Variants in PRKCQ observed in about 807,000 individuals in gnomAD.
PRKCQ encodes the protein protein kinase C theta type.
Under a neutral mutation model 91.2 loss-of-function variants are expected in PRKCQ, and 41 were observed. The ratio of observed to expected loss-of-function variants is 0.45; its 90% CI spans 0.35 to 0.58. The LOEUF is 0.58. PRKCQ is among the 20% of genes least tolerant of loss of function. The pLI, the probability that PRKCQ is intolerant of heterozygous loss-of-function variation, is 0.00. For missense variants in PRKCQ, 673 were observed against 896.5 expected (o/e 0.75, Z 3.18); for synonymous variants, 307 against 316.9 (o/e 0.97, Z 0.33).
intron 1 of PRKCQ, among the ~76,000 whole-genome samples, chr10:6,515,804 C>G (rs1396526163): frequency 6.6e-6 from 1 of 152,112 alleles, no homozygotes; most frequent in Non-Finnish European, 1.5e-5. Flanking sequence ...CAAAATACTT[C>G]ATAAAAGCCC....
At chr10:6,523,480 T>C (rs1004184890) in intron 1 of PRKCQ, among the ~76,000 whole-genome samples, 3 of 151,948 alleles carry the variant, frequency 2.0e-5, no homozygotes, top group Non-Finnish European at 2.9e-5. Context: ...AAAGTATAAA[T>C]TGAAGATAAT....
chr10:6,559,706 C>T (rs903490644), intron 1 of PRKCQ, among the ~76,000 whole-genome samples: 2 of 152,094 alleles, frequency 1.3e-5, no homozygotes, highest in African/African-American at 4.8e-5. Flanking sequence ...AGTACAATAT[C>T]AGATATTTTT....
chr10:6,557,190 C>A (rs1588421643), intron 1 of PRKCQ, among the ~76,000 whole-genome samples: 1 of 152,162 alleles, frequency 6.6e-6, no homozygotes, highest in African/African-American at 2.4e-5. Context: ...TTTGCTTCCT[C>A]CCCTTCCATT....
intron 12 of PRKCQ, among the ~76,000 whole-genome samples, chr10:6,472,585 G>C (rs1479326524): frequency 6.6e-6 from 1 of 152,224 alleles, no homozygotes; most frequent in Non-Finnish European, 1.5e-5. Flanking sequence ...ACTGTGATCT[G>C]AGTCACATAT....
At chr10:6,421,736 A>G in the PRKCQ span, among the ~76,000 whole-genome samples, 1 of 152,254 alleles carries the variant, frequency 6.6e-6, no homozygotes, top group Non-Finnish European at 1.5e-5. The surrounding 1 kb of genome is among the most constrained non-coding windows in gnomAD (Gnocchi z 4.1). Context: ...TGACAAATGA[A>G]GGTTGAATGA....
At chr10:6,533,472 C>T (rs987687314) in intron 1 of PRKCQ, among the ~76,000 whole-genome samples, 5 of 152,272 alleles carry the variant, frequency 3.3e-5, no homozygotes, top group East Asian at 1.9e-4. Context: ...GCTAGGATTA[C>T]AGGCACGAGC....
At chr10:6,485,384 A>G in intron 9 of PRKCQ, 115 bp from the exon 10 acceptor site, 1 of 769,178 alleles carries the variant, frequency 1.3e-6, no homozygotes, top group Non-Finnish European at 2.3e-6. Context: ...TAGGGTCAAC[A>G]AAGATCTCCT....
At chr10:6,519,081 T>G (rs976382075) in intron 1 of PRKCQ, among the ~76,000 whole-genome samples, 1 of 152,234 alleles carries the variant, frequency 6.6e-6, no homozygotes, top group Non-Finnish European at 1.5e-5. Context: ...CCATCTATAT[T>G]AAGAGCCAAG....
At chr10:6,568,688 C>T (rs1426668212) in intron 1 of PRKCQ, among the ~76,000 whole-genome samples, 2 of 151,972 alleles carry the variant, frequency 1.3e-5, no homozygotes, top group Non-Finnish European at 2.9e-5. Flanking sequence ...TTAGTAGAGA[C>T]GGGGTTTCAC....
intron 1 of PRKCQ, among the ~76,000 whole-genome samples, chr10:6,578,667 T>G (rs949551701): frequency 5.3e-5 from 8 of 152,246 alleles, no homozygotes; most frequent in Non-Finnish European, 1.2e-4. Context: ...AAGAGCCTTC[T>G]GCGGTAAGCA....
intron 8 of PRKCQ, chr10:6,489,462 A>C: frequency 1.9e-6 from 1 of 531,726 alleles, no homozygotes; most frequent in Non-Finnish European, 3.9e-6. Flanking sequence ...TTTCTTGGGA[A>C]TTATTGTGGG....
intron 2 of PRKCQ, among the ~76,000 whole-genome samples, chr10:6,512,868 T>C (rs2130863377): frequency 6.6e-6 from 1 of 152,192 alleles, no homozygotes; most frequent in Admixed American, 6.5e-5. Flanking sequence ...ACATTTTTTG[T>C]GGGTTGGTAA....
the PRKCQ span, among the ~76,000 whole-genome samples, chr10:6,399,576 G>A: frequency 6.6e-6 from 1 of 152,084 alleles, no homozygotes; most frequent in East Asian, 1.9e-4. Context: ...CACAAGATGA[G>A]GAAGGTCAAG....
chr10:6,522,005 C>G (rs181014587), intron 1 of PRKCQ, among the ~76,000 whole-genome samples: 2 of 152,036 alleles, frequency 1.3e-5, no homozygotes, highest in African/African-American at 4.8e-5. Context: ...TGCAATGGCA[C>G]GATCTTGGCT....
At chr10:6,562,569 G>C (rs988269170) in intron 1 of PRKCQ, among the ~76,000 whole-genome samples, 2 of 152,238 alleles carry the variant, frequency 1.3e-5, no homozygotes, top group East Asian at 3.9e-4. Flanking sequence ...CAGTAATTGA[G>C]ATATAAAGGG....
chr10:6,396,403 G>A, the PRKCQ span, among the ~76,000 whole-genome samples: 7 of 152,062 alleles, frequency 4.6e-5, no homozygotes, highest in South Asian at 2.1e-4. Context: ...TCATTACTCC[G>A]CAAAGAGCCT....
intron 11 of PRKCQ, among the ~76,000 whole-genome samples, chr10:6,483,132 C>T (rs1488622226): frequency 2.6e-5 from 4 of 152,106 alleles, no homozygotes; most frequent in East Asian, 1.9e-4. Flanking sequence ...ACACAAACAC[C>T]GTGTGAAACA....
At chr10:6,428,484 TA>T (rs1833240736) in intron 17 of PRKCQ, 122 bp from the exon 18 acceptor site, 1 of 1,058,894 alleles carries the variant, frequency 9.4e-7, no homozygotes, top group African/African-American at 1.6e-5. Context: ...GCAGAGACAC[TA>T]AATGGAGGCA....
At chr10:6,548,770 T>C (rs1228156883) in intron 1 of PRKCQ, among the ~76,000 whole-genome samples, 1 of 148,312 alleles carries the variant, frequency 6.7e-6, no homozygotes, top group Admixed American at 6.7e-5. Flanking sequence ...CTTTAGGAGA[T>C]ATAACTAATG....
Sources: allele counts gnomAD v4.1 joint callset (sites outside exome capture counted in the v4.1 genomes callset), GRCh38; gene constraint gnomAD v4.1.1; non-coding constraint Gnocchi (gnomAD v3.1); transcripts MANE v1.5; gene names NCBI Gene and HGNC (gene_info 2026-07-23, HGNC 2026-07-21).